DNER: variants seen among roughly 807,000 people sequenced by gnomAD.
DNER encodes delta and Notch-like epidermal growth factor-related receptor.
Under a neutral mutation model 78.2 loss-of-function variants are expected in DNER, and 33 were observed. That is an observed-to-expected ratio of 0.42 (90% confidence interval 0.32 to 0.56). DNER has a LOEUF of 0.56. Ranked by LOEUF, DNER falls within the 20% of genes least tolerant of loss-of-function variation. DNER has a pLI of 0.11. For missense variants in DNER, 918 were observed against 975.3 expected, an observed-to-expected ratio of 0.94 and a Z score of 0.78; for synonymous variants, 417 against 384.8, an observed-to-expected ratio of 1.08 and a Z score of -0.98.
At chr2:229,506,934 C>T (rs1169313951) in intron 6 of DNER, among the ~76,000 whole-genome samples, 3 of 152,128 alleles carry the variant, frequency 2.0e-5, no homozygotes, top group Non-Finnish European at 4.4e-5. Flanking sequence ...GTGATTTCGT[C>T]ATTATGCTAA....
intron 8 of DNER, among the ~76,000 whole-genome samples, chr2:229,444,137 G>A (rs16826028): frequency 6.6e-6 from 1 of 152,088 alleles, no homozygotes; most frequent in South Asian, 2.1e-4. Context: ...CAAGTCAAAC[G>A]CTCCAAGTGG....
chr2:229,416,378 C>A (rs1386185363), intron 9 of DNER, among the ~76,000 whole-genome samples: 2 of 152,130 alleles, frequency 1.3e-5, no homozygotes, highest in African/African-American at 4.8e-5. Context: ...GTGTACTGGC[C>A]AGGCTAGTGG....
intron 4 of DNER, among the ~76,000 whole-genome samples, chr2:229,558,192 A>G (rs948960192): frequency 1.3e-5 from 2 of 152,190 alleles, no homozygotes; most frequent in African/African-American, 4.8e-5. Context: ...ACACATGGAC[A>G]TATAGAGGGG....
chr2:229,538,796 C>T (rs1231237833), intron 5 of DNER, among the ~76,000 whole-genome samples: 1 of 152,186 alleles, frequency 6.6e-6, no homozygotes, highest in African/African-American at 2.4e-5. Context: ...GCCTCAGCCT[C>T]CAAAAGTGCT....
At chr2:229,672,862 T>C (rs1353785419) in intron 1 of DNER, among the ~76,000 whole-genome samples, 1 of 152,076 alleles carries the variant, frequency 6.6e-6, no homozygotes, top group African/African-American at 2.4e-5. Flanking sequence ...TCTAGAAGGG[T>C]CTACAGGATC....
At chr2:229,644,662 T>A (rs1698684046) in intron 1 of DNER, among the ~76,000 whole-genome samples, 1 of 152,126 alleles carries the variant, frequency 6.6e-6, no homozygotes, top group Non-Finnish European at 1.5e-5. Flanking sequence ...TAAGTATAGA[T>A]GCTCCCAAAC....
chr2:229,394,182 T>C (rs975273359), intron 10 of DNER, among the ~76,000 whole-genome samples: 1 of 152,202 alleles, frequency 6.6e-6, no homozygotes, highest in African/African-American at 2.4e-5. Context: ...GTACTGTTCC[T>C]TGTACAAGAA....
chr2:229,367,110 C>A lies in DNER; in HGVS notation c.1865G>T (p.Trp622Leu). The A allele has an allele frequency of 6.2e-7, 1 of 1,614,064 alleles. No individual in the cohort carries two copies. The highest frequency in any genetic ancestry group is 8.5e-7 in the Non-Finnish European group (1 of 1,180,002). The change falls in exon 12 of 13, where the codon TGG (tryptophan) becomes TTG (leucine). Residue 622 changes from tryptophan to leucine, a missense_variant. Transcript: ENST00000341772. ...VGANCEIHLQ[W>L]KSGHMAESLT... is the part of the protein sequence containing the mutation. ...GCTCTCCGCCATGTGCCCGGACTTC[C>A]ATTGGAGGTCTGCAGGCAAAAATAA...
At chr2:229,370,575 C>T (rs1692459318) in intron 11 of DNER, among the ~76,000 whole-genome samples, 1 of 152,210 alleles carries the variant, frequency 6.6e-6, no homozygotes, top group South Asian at 2.1e-4. Context: ...GCAGCCATCT[C>T]ATTTGGCAAT....
chr2:229,665,717 T>A (rs1699081392), intron 1 of DNER, among the ~76,000 whole-genome samples: 1 of 152,136 alleles, frequency 6.6e-6, no homozygotes. Context: ...CAAACTAAAA[T>A]GGGGCCTAAT....
chr2:229,624,173 C>T (rs1189199244), intron 1 of DNER, among the ~76,000 whole-genome samples: 1 of 148,040 alleles, frequency 6.8e-6, no homozygotes, highest in Non-Finnish European at 1.5e-5. Context: ...TGAGCACCTG[C>T]TAAAGAGATG....
chr2:229,662,246 C>G (rs1699021009), intron 1 of DNER, among the ~76,000 whole-genome samples: 1 of 152,196 alleles, frequency 6.6e-6, no homozygotes, highest in East Asian at 1.9e-4. Flanking sequence ...AAGGCCACTT[C>G]ACCCATTGCA....
intron 1 of DNER, among the ~76,000 whole-genome samples, chr2:229,656,600 G>C (rs187112067): frequency 1.3e-5 from 2 of 152,066 alleles, no homozygotes; most frequent in Non-Finnish European, 2.9e-5. Flanking sequence ...GTTATTCTCG[G>C]TACATTTCTT....
chr2:229,677,897 G>T (rs1267766757), intron 1 of DNER, among the ~76,000 whole-genome samples: 1 of 152,088 alleles, frequency 6.6e-6, no homozygotes, highest in Non-Finnish European at 1.5e-5. Context: ...TATTATATAG[G>T]CTGGAGGACT....
At chr2:229,395,925 A>G (rs1375567631) in intron 10 of DNER, among the ~76,000 whole-genome samples, 1 of 152,150 alleles carries the variant, frequency 6.6e-6, no homozygotes, top group African/African-American at 2.4e-5. Flanking sequence ...CCTAAAGCCA[A>G]TAATCTAGAT....
intron 7 of DNER, among the ~76,000 whole-genome samples, chr2:229,475,450 T>TC (rs1328625486): frequency 6.7e-6 from 1 of 148,508 alleles, no homozygotes; most frequent in Admixed American, 6.7e-5. Context: ...CATGGGAGTC[T>TC]CTCCCAGCTC....
At chr2:229,537,547 C>T (rs113366841) in intron 5 of DNER, among the ~76,000 whole-genome samples, 1,798 of 152,178 alleles carry the variant, frequency 0.012, 37 homozygotes, top group Middle Eastern at 0.048. Context: ...GGTGGAGAGA[C>T]CTCTAAAATC....
intron 1 of DNER, among the ~76,000 whole-genome samples, chr2:229,646,171 C>T (rs796883322): frequency 3.3e-5 from 5 of 152,220 alleles, no homozygotes; most frequent in African/African-American, 1.2e-4. Context: ...GTTATGCATC[C>T]GGTAATCCTG....
chr2:229,560,257 G>C (rs1255016500), intron 4 of DNER, among the ~76,000 whole-genome samples: 1 of 152,170 alleles, frequency 6.6e-6, no homozygotes, highest in Non-Finnish European at 1.5e-5. Flanking sequence ...TTTCTTTCCT[G>C]TTAAAGGGAA....
Sources: allele counts gnomAD v4.1 joint callset (sites outside exome capture counted in the v4.1 genomes callset), GRCh38; gene constraint gnomAD v4.1.1; transcripts MANE v1.5; gene names NCBI Gene and HGNC (gene_info 2026-07-23, HGNC 2026-07-21).